The following NPAS3 variants were observed in gnomAD, a reference collection of about 807,000 sequenced individuals.
NPAS3 encodes neuronal PAS domain protein 3.
NPAS3 carries 14 observed loss-of-function variants against 73.1 expected under a neutral mutation model. That is an observed-to-expected ratio of 0.19 (90% CI 0.13 to 0.30). The LOEUF (loss-of-function observed/expected upper bound fraction) is 0.30. NPAS3 is among the 10% of genes least tolerant of loss of function. The pLI, the probability that NPAS3 is intolerant of heterozygous loss-of-function variation, is 1.00. For synonymous variants in NPAS3, 620 were observed against 541.5 expected (o/e 1.14, Z -2.01); for missense variants, 1,096 against 1,250.0 (o/e 0.88, Z 1.86).
chr14:33,014,445 G>A (rs2039323892), intron 1 of NPAS3, among the ~76,000 whole-genome samples: 1 of 152,090 alleles, frequency 6.6e-6, no homozygotes, highest in African/African-American at 2.4e-5. Flanking sequence ...TGTCACAATT[G>A]TAATAAAATA....
At chr14:33,393,565 G>A (rs1041353831) in intron 4 of NPAS3, among the ~76,000 whole-genome samples, 10 of 152,244 alleles carry the variant, frequency 6.6e-5, no homozygotes, top group Admixed American at 4.6e-4. Flanking sequence ...AAAAAAGGTC[G>A]GGGGAGAGGA....
intron 2 of NPAS3, among the ~76,000 whole-genome samples, chr14:33,087,549 G>T (rs1295560269): frequency 6.6e-6 from 1 of 152,080 alleles, no homozygotes; most frequent in African/African-American, 2.4e-5. Flanking sequence ...AAATTCATTT[G>T]TATTGGCTAA....
chr14:33,391,612 G>C lies in NPAS3; in HGVS notation c.468+24344G>C, dbSNP rs775696901. Among the ~76,000 whole-genome samples the C allele has an allele frequency of 1.1e-4, 17 of 152,216 alleles. 1 individual carries two copies. Among genetic ancestry groups the C allele is most frequent in the Non-Finnish European group, 2.2e-4 (15 of 68,038 alleles). ...GAAGAGAGAAAGAGAGGTAGAGAGGGAGAAAGAAATGGAGTGGTGAAAGAG... is the reference window on the plus strand; with the variant it reads ...GAAGAGAGAAAGAGAGGTAGAGAGGCAGAAAGAAATGGAGTGGTGAAAGAG... On this transcript the variant is annotated intron_variant, in intron 4 of 11. Transcript: ENST00000356141.
At chr14:33,141,142 T>C (rs1180954905) in intron 2 of NPAS3, among the ~76,000 whole-genome samples, 1 of 152,216 alleles carries the variant, frequency 6.6e-6, no homozygotes, top group Non-Finnish European at 1.5e-5. Context: ...TAGTATTTTG[T>C]CAAGAATTTG....
At position 33,257,595 on chromosome 14, in the gene NPAS3, G is replaced by A. The variant is rs139742755; in HGVS notation, c.385+42169G>A. 4.9e-3 allele frequency among the ~76,000 whole-genome samples: 746 copies of A among 152,314 alleles called. 4 individuals carry two copies. The highest frequency in any genetic ancestry group is 8.0e-3 in the Admixed American group (123 of 15,304). On this transcript the variant is annotated intron_variant, in intron 3 of 11. Coordinates refer to ENST00000356141, the Ensembl canonical transcript of NPAS3. ...GCTTTTTGTTCAAATGAAGAAGAAA[G>A]TGTGCCATAGGAGTAGATCACTTTT...
intron 2 of NPAS3, among the ~76,000 whole-genome samples, chr14:33,060,179 G>A (rs1264285284): frequency 2.0e-5 from 3 of 152,230 alleles, no homozygotes; most frequent in Non-Finnish European, 2.9e-5. Context: ...ATATGAGATA[G>A]TGAGGAAAGA....
At chr14:33,233,533 A>T (rs2047927474) in intron 3 of NPAS3, among the ~76,000 whole-genome samples, 2 of 152,172 alleles carry the variant, frequency 1.3e-5, no homozygotes. Context: ...ACTGACAAAA[A>T]GGATAAAAAG....
intron 1 of NPAS3, among the ~76,000 whole-genome samples, chr14:33,000,547 TTGGGTTTA>T (rs2038769180): frequency 6.6e-6 from 1 of 152,208 alleles, no homozygotes; most frequent in Non-Finnish European, 1.5e-5. Flanking sequence ...CTTCAATTAG[TTGGGTTTA>T]TGAAGCACTG....
chr14:33,168,312 G>C (rs540992568), intron 2 of NPAS3, among the ~76,000 whole-genome samples: 1 of 152,126 alleles, frequency 6.6e-6, no homozygotes, highest in African/African-American at 2.4e-5. Flanking sequence ...AAGCACTAAA[G>C]GGGATTCGAA....
At chr14:33,112,364 A>G (rs2042923608) in intron 2 of NPAS3, among the ~76,000 whole-genome samples, 1 of 152,124 alleles carries the variant, frequency 6.6e-6, no homozygotes, top group East Asian at 1.9e-4. Flanking sequence ...TCACCATTCT[A>G]ACTGGTGTGA....
chr14:33,452,987 G>A (rs2049870724), intron 4 of NPAS3, among the ~76,000 whole-genome samples: 1 of 152,070 alleles, frequency 6.6e-6, no homozygotes, highest in South Asian at 2.1e-4. Flanking sequence ...ATCCGAGAAT[G>A]GCTTTTTCCC....
chr14:33,655,131 T>G (rs1179629926), intron 5 of NPAS3, among the ~76,000 whole-genome samples: 1 of 152,130 alleles, frequency 6.6e-6, no homozygotes, highest in Non-Finnish European at 1.5e-5. Context: ...CTTTTATACA[T>G]GAACCTGGAG....
At chr14:33,592,434 A>G (rs1340466540) in intron 5 of NPAS3, among the ~76,000 whole-genome samples, 6 of 152,202 alleles carry the variant, frequency 3.9e-5, no homozygotes, top group Non-Finnish European at 8.8e-5. Context: ...GCAGAGCCAT[A>G]TGTGATTGAG....
At chr14:33,091,316 C>G (rs545294087) in intron 2 of NPAS3, among the ~76,000 whole-genome samples, 1 of 152,018 alleles carries the variant, frequency 6.6e-6, no homozygotes, top group Admixed American at 6.6e-5. Flanking sequence ...ATATCACCAC[C>G]GATCCCACAG....
chr14:33,014,331 CAT>C (rs1354187321), intron 1 of NPAS3, among the ~76,000 whole-genome samples: 2 of 152,080 alleles, frequency 1.3e-5, no homozygotes, highest in Non-Finnish European at 1.5e-5. Flanking sequence ...GTATGAAAAA[CAT>C]ATAAATAATT....
intron 7 of NPAS3, among the ~76,000 whole-genome samples, chr14:33,748,561 G>C (rs1169987871): frequency 1.3e-5 from 2 of 152,150 alleles, no homozygotes; most frequent in Non-Finnish European, 2.9e-5. Context: ...CCTTGTAGAA[G>C]TCATGAAAAA....
chr14:33,075,263 G>A (rs914111507), intron 2 of NPAS3, among the ~76,000 whole-genome samples: 3 of 152,034 alleles, frequency 2.0e-5, no homozygotes. Flanking sequence ...TATATTTTTC[G>A]TCATGTTAGG....
chr14:33,327,870 A>G (rs1406938742), intron 3 of NPAS3, among the ~76,000 whole-genome samples: 1 of 152,228 alleles, frequency 6.6e-6, no homozygotes, highest in Non-Finnish European at 1.5e-5. Flanking sequence ...GTGCATTTCA[A>G]AAAGATACCA....
intron 4 of NPAS3, among the ~76,000 whole-genome samples, chr14:33,369,422 A>AAAAAAAAAAAG (rs2045986187): frequency 1.4e-5 from 2 of 143,984 alleles, no homozygotes; most frequent in Non-Finnish European, 3.1e-5. Context: ...AAAAAAAAAA[A>AAAAAAAAAAAG]AAAAAGGATT....
Sources: gnomAD v4.1 joint callset for allele counts (sites outside exome capture counted in the v4.1 genomes callset) on GRCh38, gnomAD v4.1.1 for gene constraint, MANE v1.5 for transcripts, NCBI Gene and HGNC (gene_info 2026-07-23, HGNC 2026-07-21) for gene names.